ADCY6: variants seen among roughly 807,000 people sequenced by gnomAD.
ADCY6 encodes adenylate cyclase type 6.
A neutral mutation model predicts 111.6 loss-of-function variants in ADCY6; 59 were observed. The ratio of observed to expected loss-of-function variants is 0.53; its 90% CI spans 0.43 to 0.66. The LOEUF (loss-of-function observed/expected upper bound fraction) is 0.66, where lower values mean the gene tolerates loss of function less well. ADCY6 is among the 30% of genes least tolerant of loss of function. The pLI, the probability that ADCY6 is intolerant of heterozygous loss-of-function variation, is 0.00. For missense variants in ADCY6, 1,242 were observed against 1,595.6 expected (o/e 0.78, Z 3.78); for synonymous variants, 576 against 642.9 (o/e 0.90, Z 1.57).
In ADCY6 at chr12:48,784,665, GTTTTTTTTTTTTT is replaced by G. The variant is rs766502422; in HGVS notation, c.-4-1240_-4-1228del. On this transcript the variant is annotated intron_variant, in intron 1 of 21. Transcript: ENST00000357869. The stretch of plus-strand genomic sequence containing the variant: ...ACAGAAGCAGAAGAAAAAATCTGGA[GTTTTTTTTTTTTT>G]TTTTTTTTTTTTGAGACGGAGTCTC... Among the ~76,000 whole-genome samples the G allele has an allele frequency of 1.7e-4, 12 of 72,294 alleles. No homozygotes were observed. The Admixed American group carries it at 1.9e-3, about 12-fold the overall frequency. The allele number at this position is 72,294 out of a possible 152,430, so 47.4% of individuals were successfully genotyped here.
Position 48,782,183 on chromosome 12 carries a change from C to T in ADCY6, c.864+388G>A, listed in dbSNP as rs1941860365. Among the ~76,000 whole-genome samples, 1 of 151,534 alleles carries T rather than the reference C, an allele frequency of 6.6e-6. No individual in the cohort carries two copies. Among genetic ancestry groups the T allele is most frequent in the South Asian group, 2.1e-4 (1 of 4,826 alleles). ...GCCTGCTGAGATGCTAAGGCCTGGA[C>T]ACAGCCTGCACTGCCTTTTCAGCCC... is the stretch of plus-strand genomic sequence containing the variant. On this transcript the variant is annotated intron_variant, in intron 2 of 21. Transcript: ENST00000357869. This position sits in a 1 kb window ranked among gnomAD's most constrained non-coding sequence, Gnocchi z 4.3.
intron 1 of ADCY6, among the ~76,000 whole-genome samples, chr12:48,784,389 C>G (rs1420310858): frequency 2.0e-5 from 3 of 151,944 alleles, no homozygotes; most frequent in Admixed American, 6.6e-5. Flanking sequence ...GATCCAGCAG[C>G]CACATAAGTG....
At position 48,778,258 on chromosome 12, in the gene ADCY6, CTGCAGGAGG is replaced by C; in HGVS notation, c.865-10_865-2del. On this transcript the variant is annotated splice_acceptor_variant and splice_polypyrimidine_tract_variant and intron_variant, in intron 2 of 21. Transcript: ENST00000357869. LOFTEE classifies it high-confidence loss of function. ...GGAACAGCAGCACATTGGCACCGAG[CTGCAGGAGG>C]TGGCAGAGGCAGACAGTGACCATCT... 1 of 1,614,116 alleles carries C rather than the reference CTGCAGGAGG, an allele frequency of 6.2e-7. No homozygotes were observed. The highest frequency in any genetic ancestry group is 8.5e-7 in the Non-Finnish European group (1 of 1,180,018).
chr12:48,777,085 G>A lies in ADCY6; in HGVS notation c.1376+19C>T, dbSNP rs377470873. 44 of 1,565,636 alleles carry A rather than the reference G, an allele frequency of 2.8e-5. No individual in the cohort carries two copies. The highest frequency in any genetic ancestry group is 3.8e-5 in the Non-Finnish European group (44 of 1,154,300). On this transcript the variant is annotated intron_variant, in intron 6 of 21. Transcript: ENST00000357869. This position sits in a 1 kb window ranked among gnomAD's most constrained non-coding sequence, Gnocchi z 4.9. ...GGCACCCGCAATTCCAGGAAGCCTA[G>A]GAATGGGGCACTGCTTACGAGATGG... is the stretch of plus-strand genomic sequence containing the variant.
Position 48,771,441 on chromosome 12 carries a change from T to G in ADCY6, c.3051+269A>C. On this transcript the variant is annotated intron_variant, in intron 19 of 21. Coordinates refer to ENST00000357869, the MANE Select transcript of ADCY6 (RefSeq NM_015270.5). This position sits in a 1 kb window ranked among gnomAD's most constrained non-coding sequence, Gnocchi z 4.3. Reference sequence around the variant, plus strand: ...ACTATTGCCTTCTTCTTCAGTGACATCCACCTGGTACCTATCCTATCCCCC... The same window carrying G: ...ACTATTGCCTTCTTCTTCAGTGACAGCCACCTGGTACCTATCCTATCCCCC... 3 of 578,326 alleles carry G rather than the reference T, an allele frequency of 5.2e-6. No individual in the cohort carries two copies. Among genetic ancestry groups the G allele is most frequent in the Non-Finnish European group, 9.4e-6 (3 of 320,510 alleles). The allele number at this position is 578,326 out of a possible 1,614,324, so 35.8% of individuals were successfully genotyped here.
At position 48,776,478 on chromosome 12, in the gene ADCY6, C is replaced by A; in HGVS notation, c.1485G>T (p.Trp495Cys). The A allele has an allele frequency of 6.2e-7, 1 of 1,611,044 alleles. No homozygotes were observed. The highest frequency in any genetic ancestry group is 1.1e-5 in the South Asian group (1 of 90,976). ...LGLRKWQFDV[W>C]SNDVTLANHM... The stretch of plus-strand genomic sequence containing the variant: ...GGTTGGCCAGGGTCACATCATTGGA[C>A]CACACATCGAACTGCCATTTCCGCA... Residue 495 changes from tryptophan to cysteine, a missense_variant, in exon 7 of 22, where the codon TGG (tryptophan) becomes TGT (cysteine). Coordinates refer to ENST00000357869, the MANE Select transcript of ADCY6 (RefSeq NM_015270.5). The surrounding 1 kb of genome is among the most constrained non-coding windows in gnomAD (Gnocchi z 6.1).
intron 2 of ADCY6, among the ~76,000 whole-genome samples, chr12:48,779,032 C>T (rs1941780358): frequency 6.6e-6 from 1 of 151,912 alleles, no homozygotes; most frequent in East Asian, 1.9e-4. Flanking sequence ...CACCTGCCAC[C>T]ATGACTGGCT....
intron 16 of ADCY6, among the ~76,000 whole-genome samples, chr12:48,773,026 C>A (rs1941592126): frequency 6.6e-6 from 1 of 152,098 alleles, no homozygotes; most frequent in African/African-American, 2.4e-5. Flanking sequence ...CCAGCAGAGA[C>A]CAGAGGCTTT....
In ADCY6 at chr12:48,777,571, C is replaced by A; in HGVS notation, c.1136+44G>T. ...CAGAACACATAGCCCTCAAAGACTT[C>A]CAGACCCCCCGCCCTGCTGGGCATC... On this transcript the variant is annotated intron_variant, in intron 4 of 21. Coordinates refer to ENST00000357869, the MANE Select transcript of ADCY6 (RefSeq NM_015270.5). The surrounding 1 kb of genome is among the most constrained non-coding windows in gnomAD (Gnocchi z 4.9). 1.9e-6 allele frequency: 3 copies of A among 1,614,072 alleles called. No homozygotes were observed. Among genetic ancestry groups the A allele is most frequent in the Non-Finnish European group, 2.5e-6 (3 of 1,179,898 alleles).
rs1941698582 is a variant in ADCY6 at position 48,776,270 on chromosome 12, T to C, written c.1616A>G (p.Asn539Ser). Reference protein sequence around the residue: ...EVEPGRGGERNAYLKEQHIET... With the variant: ...EVEPGRGGERSAYLKEQHIET... ...AATGTGCTGCTCCTTGAGGTACGCG[T>C]TGCGCTCGCCACCACGGCCTGGCTC... The change falls in exon 8 of 22, where the codon AAC becomes AGC. Residue 539 changes from asparagine to serine, a missense_variant. Asn to Ser is a conservative substitution (Grantham distance 46, BLOSUM62 1). Coordinates refer to ENST00000357869, the MANE Select transcript of ADCY6 (RefSeq NM_015270.5). The surrounding 1 kb of genome is among the most constrained non-coding windows in gnomAD (Gnocchi z 6.1). 11 of 1,614,216 alleles carry C rather than the reference T, an allele frequency of 6.8e-6. No homozygotes were observed. The highest frequency in any genetic ancestry group is 9.3e-6 in the Non-Finnish European group (11 of 1,180,042).
chr12:48,769,007 T>C lies in ADCY6; in HGVS notation c.3311A>G (p.Tyr1104Cys), dbSNP rs779972580. Reference sequence around the variant, plus strand: ...ATTCACTGTGTTCCCCCAGATGTCATACTGTGGCTTCCGAGCCCCGATGAC... The same window carrying C: ...ATTCACTGTGTTCCCCCAGATGTCACACTGTGGCTTCCGAGCCCCGATGAC... ...AGVIGARKPQ[Y>C]DIWGNTVNVS... The change falls in exon 21 of 22, where the codon TAT (tyrosine) becomes TGT (cysteine). Residue 1104 changes from tyrosine (Y) to cysteine (C), a missense_variant. By Grantham distance (194) the Tyr-to-Cys change is radical. Around this residue, in one of 4 missense-constraint regions of ADCY6, gnomAD observed 245 missense variants for 371.3 expected, o/e 0.66. Transcript: ENST00000357869. 9 of 1,613,840 alleles carry C rather than the reference T, an allele frequency of 5.6e-6. No individual in the cohort carries two copies. The Admixed American group carries it at 1.5e-4, about 27-fold the overall frequency.
chr12:48,776,330 G>A lies in ADCY6; in HGVS notation c.1556C>T (p.Ala519Val), dbSNP rs1323870001. ...GRAGRIHITR[A>V]TLQYLNGDYE... is the part of the protein sequence containing the mutation. ...GTCCCCGTTCAGGTACTGCAGTGTT[G>A]CCCGAGTGATGTGGATGCGGCTGTA... The change falls in exon 8 of 22, where the codon GCA (alanine) becomes GTA (valine). Residue 519 changes from alanine to valine, a missense_variant. Physicochemically the swap from Ala to Val is moderately conservative, Grantham distance 64 (BLOSUM62 0). This residue lies in a region of ADCY6 where 260 missense variants were observed against 414.6 expected (regional missense o/e 0.63). Coordinates refer to ENST00000357869, the MANE Select transcript of ADCY6 (RefSeq NM_015270.5). The surrounding 1 kb of genome is among the most constrained non-coding windows in gnomAD (Gnocchi z 6.1). 6.2e-7 allele frequency: 1 copy of A among 1,614,200 alleles called. No homozygotes were observed. The highest frequency in any genetic ancestry group is 1.7e-5 in the Admixed American group (1 of 60,028).
At chr12:48,778,040 C>A in intron 3 of ADCY6, 68 bp downstream of exon 3, 1 of 1,542,670 alleles carries the variant, frequency 6.5e-7, no homozygotes, top group South Asian at 1.2e-5. Context: ...GACAAGGCAG[C>A]AGATCCAATG....
rs1941426164 is a variant in ADCY6, at chr12:48,768,190, A to G, written c.*401T>C. 1 of 272,020 alleles carries G rather than the reference A, an allele frequency of 3.7e-6. No individual in the cohort carries two copies. Among genetic ancestry groups the G allele is most frequent in the East Asian group, 9.9e-5 (1 of 10,106 alleles). The allele number at this position is 272,020 out of a possible 1,614,324, so 16.9% of individuals were successfully genotyped here. ...AATATTGTACAAAATATTCCCAGGA[A>G]AAAAGAGGGAAAAGAAGGGCTCAGC... On this transcript the variant is annotated 3_prime_UTR_variant, in exon 22 of 22. Transcript: ENST00000357869.
In ADCY6 at chr12:48,773,655, G is replaced by C. The variant is rs1277293277; in HGVS notation, c.2443-8C>G. 1 of 1,613,844 alleles carries C rather than the reference G, an allele frequency of 6.2e-7. No individual in the cohort carries two copies. Among genetic ancestry groups the C allele is most frequent in the African/African-American group, 1.3e-5 (1 of 74,914 alleles). On this transcript the variant is annotated splice_polypyrimidine_tract_variant and splice_region_variant and intron_variant, in intron 15 of 21. Coordinates refer to ENST00000357869, the MANE Select transcript of ADCY6 (RefSeq NM_015270.5). Reference sequence around the variant, plus strand: ...CATGTTCCCGATGAAGTACTGCGGGGGTGGCAGAGGCAGCGTTGGGTGAAG... The same window carrying C: ...CATGTTCCCGATGAAGTACTGCGGGCGTGGCAGAGGCAGCGTTGGGTGAAG...
chr12:48,788,489 TC>T (rs1942022829), intron 1 of ADCY6, among the ~76,000 whole-genome samples: 1 of 151,762 alleles, frequency 6.6e-6, no homozygotes, highest in Non-Finnish European at 1.5e-5. Context: ...GGAGAGGGAC[TC>T]CCGCAGACAG....
At position 48,777,721 on chromosome 12, in the gene ADCY6, ACAG is replaced by A; in HGVS notation, c.1027_1029del (p.Leu343del). ...ATGGCAACGTGCTGGGGCAATACCGACAGCAGCAGCCGCTCCTAGCCCAGTGGT... is the reference window on the plus strand; with the variant it reads ...ATGGCAACGTGCTGGGGCAATACCGACAGCAGCCGCTCCTAGCCCAGTGGT... On this transcript the variant is annotated inframe_deletion, in exon 4 of 22. Transcript: ENST00000357869. The surrounding 1 kb of genome is among the most constrained non-coding windows in gnomAD (Gnocchi z 4.9). 6.2e-7 allele frequency: 1 copy of A among 1,614,100 alleles called. No individual in the cohort carries two copies. Among genetic ancestry groups the A allele is most frequent in the Non-Finnish European group, 8.5e-7 (1 of 1,180,026 alleles).
At chr12:48,781,658 A>G (rs1218466711) in intron 2 of ADCY6, among the ~76,000 whole-genome samples, 3 of 152,230 alleles carry the variant, frequency 2.0e-5, no homozygotes, top group Non-Finnish European at 2.9e-5. Flanking sequence ...GGGCCCCAAC[A>G]GCAACATGAG....
intron 2 of ADCY6, among the ~76,000 whole-genome samples, chr12:48,779,248 G>A (rs1048783898): frequency 2.0e-5 from 3 of 152,238 alleles, no homozygotes; most frequent in African/African-American, 7.2e-5. Context: ...TTAAAGGTAA[G>A]GGAATGAGGC....
Sources: allele counts gnomAD v4.1 joint callset (sites outside exome capture counted in the v4.1 genomes callset), GRCh38; gene constraint gnomAD v4.1.1; regional missense constraint gnomAD v4.1.1; non-coding constraint Gnocchi (gnomAD v3.1); transcripts MANE v1.5; gene names NCBI Gene and HGNC (gene_info 2026-07-23, HGNC 2026-07-21).